RAB21: variants seen among roughly 807,000 people sequenced by gnomAD.
RAB21 encodes the protein RAB21, member RAS oncogene family, also known as ras-related protein Rab-21.
A neutral mutation model predicts 33.1 loss-of-function variants in RAB21; 13 were observed. That is an observed-to-expected ratio of 0.39 (90% CI 0.26 to 0.62). The LOEUF is 0.62. Ranked by LOEUF, RAB21 falls within the 20% of genes least tolerant of loss-of-function variation. The probability of loss-of-function intolerance (pLI) is 0.48; values close to 1 mark genes in which losing one functional copy is unlikely to be tolerated. For synonymous variants in RAB21, 91 were observed against 103.7 expected, an observed-to-expected ratio of 0.88 and a Z score of 0.74; for missense variants, 234 against 279.1, an observed-to-expected ratio of 0.84 and a Z score of 1.15.
chr12:71,756,947 C>T (rs1413798543), intron 1 of RAB21, among the ~76,000 whole-genome samples: 1 of 152,158 alleles, frequency 6.6e-6, no homozygotes, highest in African/African-American at 2.4e-5. Context: ...AATATTACCA[C>T]AAGTCAATGG....
At chr12:71,759,494 T>G (rs1882838555) in intron 1 of RAB21, among the ~76,000 whole-genome samples, 1 of 152,246 alleles carries the variant, frequency 6.6e-6, no homozygotes, top group Non-Finnish European at 1.5e-5. Context: ...GGGGCTTTTT[T>G]GGGCCATGCA....
At chr12:71,765,084 A>G (rs1484735268) in intron 1 of RAB21, among the ~76,000 whole-genome samples, 1 of 152,182 alleles carries the variant, frequency 6.6e-6, no homozygotes, top group Non-Finnish European at 1.5e-5. Flanking sequence ...CCAGCAGTGT[A>G]AAAGTGTTCC....
intron 1 of RAB21, among the ~76,000 whole-genome samples, chr12:71,761,361 T>A (rs1388405504): frequency 1.3e-5 from 2 of 151,812 alleles, no homozygotes; most frequent in East Asian, 3.9e-4. Flanking sequence ...CTGGGCAACA[T>A]AGTAAGACCC....
At chr12:71,777,644 T>A (rs1466392443) in intron 4 of RAB21, among the ~76,000 whole-genome samples, 1 of 152,244 alleles carries the variant, frequency 6.6e-6, no homozygotes. Context: ...CTTTTCTCTT[T>A]ACATAAGATA....
chr12:71,785,774 A>G lies in RAB21; in HGVS notation c.*101A>G, dbSNP rs1883276215. On this transcript the variant is annotated 3_prime_UTR_variant, in exon 7 of 7. Coordinates refer to ENST00000261263, the MANE Select transcript of RAB21 (RefSeq NM_014999.4). Reference sequence around the variant, plus strand: ...CAAGTCACATTATTTTACCAATGGAATTATAGAATTAACAGTATTTTAAAT... The same window carrying G: ...CAAGTCACATTATTTTACCAATGGAGTTATAGAATTAACAGTATTTTAAAT... 1.5e-6 allele frequency: 2 copies of G among 1,357,614 alleles called. No homozygotes were observed. Among genetic ancestry groups the G allele is most frequent in the African/African-American group, 1.5e-5 (1 of 68,456 alleles). The allele number at this position is 1,357,614 out of a possible 1,614,324, so 84.1% of individuals were successfully genotyped here. A position where few individuals can be genotyped will look rare whatever the true frequency, so the allele number is the denominator to read the frequency against.
At chr12:71,755,651 A>G (rs1882774512) in intron 1 of RAB21, among the ~76,000 whole-genome samples, 1 of 152,198 alleles carries the variant, frequency 6.6e-6, no homozygotes, top group South Asian at 2.1e-4. Context: ...TTCTTTCAGA[A>G]TTAGGAACTT....
At chr12:71,774,549 A>G (rs1045364202) in intron 4 of RAB21, among the ~76,000 whole-genome samples, 1 of 152,080 alleles carries the variant, frequency 6.6e-6, no homozygotes, top group Non-Finnish European at 1.5e-5. Context: ...ATCTGAGGTC[A>G]GGAGTTCAAA....
At chr12:71,757,403 C>G (rs960507287) in intron 1 of RAB21, among the ~76,000 whole-genome samples, 1 of 152,176 alleles carries the variant, frequency 6.6e-6, no homozygotes, top group African/African-American at 2.4e-5. Flanking sequence ...AGCCACTGCA[C>G]CTGGCCATAC....
At position 71,788,259 on chromosome 12, in the gene RAB21, T is replaced by C. The variant is rs1038082137; in HGVS notation, c.*2586T>C. ...CTAGATAGGAACCTCTGCTCCAGAA[T>C]TGCCAGATAATTATTGGTGGGTCAT... On this transcript the variant is annotated 3_prime_UTR_variant, in exon 7 of 7. Coordinates refer to ENST00000261263, the MANE Select transcript of RAB21 (RefSeq NM_014999.4). The C allele has an allele frequency of 6.6e-6, 1 of 152,230 alleles. No individual in the cohort carries two copies. The highest frequency in any genetic ancestry group is 2.4e-5 in the African/African-American group (1 of 41,464). The allele number at this position is 152,230 out of a possible 1,614,324, so 9.4% of individuals were successfully genotyped here. A position where few individuals can be genotyped will look rare whatever the true frequency, so the allele number is the denominator to read the frequency against.
chr12:71,762,916 T>C (rs1882899457), intron 1 of RAB21, among the ~76,000 whole-genome samples: 1 of 152,168 alleles, frequency 6.6e-6, no homozygotes, highest in African/African-American at 2.4e-5. Context: ...TTTATTGCCT[T>C]GCTAGAGAGG....
intron 4 of RAB21, 90 bp from the exon 5 acceptor site, chr12:71,781,941 T>C: frequency 1.0e-6 from 1 of 985,626 alleles, no homozygotes; most frequent in Non-Finnish European, 1.5e-6. Context: ...TTGCTGGTAA[T>C]TAAAATGGCA....
intron 2 of RAB21, 85 bp downstream of exon 2, chr12:71,769,944 T>A: frequency 6.0e-6 from 1 of 167,296 alleles, no homozygotes; most frequent in Non-Finnish European, 1.0e-5. Context: ...TAGCCAACAC[T>A]TTTTTTTTTT....
Position 71,795,039 on chromosome 12 carries a change from T to A in RAB21, c.*9366T>A, listed in dbSNP as rs1182536132. 1.3e-5 allele frequency: 2 copies of A among 152,088 alleles called. No homozygotes were observed. The highest frequency in any genetic ancestry group is 4.8e-5 in the African/African-American group (2 of 41,422). The allele number at this position is 152,088 out of a possible 1,614,324, so 9.4% of individuals were successfully genotyped here. ...GTGGAATGTTTGACAGGGATAAGAT[T>A]ATTGAAAATTGGGGGGAATTTTCTT... On this transcript the variant is annotated 3_prime_UTR_variant, in exon 7 of 7. Transcript: ENST00000261263.
chr12:71,785,887 TTG>T lies in RAB21; in HGVS notation c.*216_*217del. ...TGGCATTTTCTACAAATGTTTTTTT[TTG>T]TTTTTTTTTTGTTTTTTTTTGTTTT... is the stretch of plus-strand genomic sequence containing the variant. On this transcript the variant is annotated 3_prime_UTR_variant, in exon 7 of 7. Coordinates refer to ENST00000261263, the MANE Select transcript of RAB21 (RefSeq NM_014999.4). The T allele has an allele frequency of 7.3e-6, 4 of 549,234 alleles. No individual in the cohort carries two copies. Among genetic ancestry groups the T allele is most frequent in the Admixed American group, 3.8e-5 (1 of 26,284 alleles). 34.0% of individuals were successfully genotyped at this position (549,234 alleles called of 1,614,324 possible). A position where few individuals can be genotyped will look rare whatever the true frequency, so the allele number is the denominator to read the frequency against.
rs1284656933 is a variant in RAB21, at chr12:71,788,775, C to G, written c.*3102C>G. ...GAATATTATGTTAAAAGTATACAATCATTGTTTCTGTAATGATGATGGGTA... is the reference window on the plus strand; with the variant it reads ...GAATATTATGTTAAAAGTATACAATGATTGTTTCTGTAATGATGATGGGTA... On this transcript the variant is annotated 3_prime_UTR_variant, in exon 7 of 7. Transcript: ENST00000261263. 2.0e-5 allele frequency: 3 copies of G among 152,046 alleles called. No homozygotes were observed. The highest frequency in any genetic ancestry group is 7.2e-5 in the African/African-American group (3 of 41,412). The allele number at this position is 152,046 out of a possible 1,614,324, so 9.4% of individuals were successfully genotyped here. A position where few individuals can be genotyped will look rare whatever the true frequency, so the allele number is the denominator to read the frequency against.
chr12:71,763,005 T>C lies in RAB21; in HGVS notation c.160-6795T>C, dbSNP rs140340268. On this transcript the variant is annotated intron_variant, in intron 1 of 6. Transcript: ENST00000261263. ...TGGTAATGCTTTACTCATTTATTTT[T>C]TTATTTTATTTTAAAAATTAACAAA... 3.0e-3 allele frequency among the ~76,000 whole-genome samples: 461 copies of C among 152,202 alleles called. 3 individuals are homozygous for C. The highest frequency in any genetic ancestry group is 0.01 in the African/African-American group (416 of 41,494).
intron 4 of RAB21, among the ~76,000 whole-genome samples, chr12:71,775,583 C>G (rs1299103299): frequency 6.6e-6 from 1 of 152,136 alleles, no homozygotes; most frequent in Non-Finnish European, 1.5e-5. Flanking sequence ...GTCACCCAGG[C>G]TGGAATGCAG....
rs1459840617 is a variant in RAB21 at position 71,789,285 on chromosome 12, G to A, written c.*3612G>A. ...AAATATTAAGAACATTTTAAAAATG[G>A]ATTGTGATACTGTTTATTTCTTTAA... On this transcript the variant is annotated 3_prime_UTR_variant, in exon 7 of 7. Transcript: ENST00000261263. 6.6e-6 allele frequency: 1 copy of A among 151,970 alleles called. No individual in the cohort carries two copies. The highest frequency in any genetic ancestry group is 2.4e-5 in the African/African-American group (1 of 41,394). 9.4% of individuals were successfully genotyped at this position (151,970 alleles called of 1,614,324 possible).
chr12:71,771,355 A>G (rs1293021380), intron 3 of RAB21, among the ~76,000 whole-genome samples: 1 of 152,192 alleles, frequency 6.6e-6, no homozygotes, highest in East Asian at 1.9e-4. Flanking sequence ...TTCTTGGAAT[A>G]TGTCAACAAT....
Sources: gnomAD v4.1 joint callset for allele counts (sites outside exome capture counted in the v4.1 genomes callset) on GRCh38, gnomAD v4.1.1 for gene constraint, MANE v1.5 for transcripts, NCBI Gene and HGNC (gene_info 2026-07-23, HGNC 2026-07-21) for gene names.